Variants in FHOD3 observed in about 807,000 individuals in gnomAD.
FHOD3 encodes formin homology 2 domain containing 3, also known as FH1/FH2 domain-containing protein 3.
In FHOD3, 90 loss-of-function variants were observed where a neutral mutation model predicts 173.0. The observed-to-expected ratio is 0.52, with a 90% CI of 0.44 to 0.62. The LOEUF is 0.62. Among genes scored for constraint, FHOD3 ranks in the 20% least tolerant of loss-of-function variants. FHOD3 has a pLI of 0.00. For synonymous variants in FHOD3, 828 were observed against 823.0 expected (o/e 1.01, Z -0.10); for missense variants, 1,945 against 2,034.7 (o/e 0.96, Z 0.85).
intron 1 of FHOD3, among the ~76,000 whole-genome samples, chr18:36,308,718 T>C (rs2092169982): frequency 6.6e-6 from 1 of 152,202 alleles, no homozygotes; most frequent in East Asian, 1.9e-4. Context: ...TAACTTACCT[T>C]TCATTTCAGA....
chr18:36,458,666 GTT>G (rs35141522), intron 3 of FHOD3, among the ~76,000 whole-genome samples: 7,826 of 104,710 alleles, frequency 0.075, 199 homozygotes, highest in East Asian at 0.24. Flanking sequence ...TTTTTGTTAG[GTT>G]TTTTTTTTTT....
rs151047573 is a variant in FHOD3, at chr18:36,657,797, G to A, written c.1722-278G>A. ...ATTTATGTTAGCAAATAATTTTAAC[G>A]TACATTTTAAAAAACAGGAAATGTT... On this transcript the variant is annotated intron_variant, in intron 13 of 28. Coordinates refer to ENST00000590592, the MANE Select transcript of FHOD3 (RefSeq NM_001281740.3). Among the ~76,000 whole-genome samples, 58 of 152,212 alleles carry A rather than the reference G, an allele frequency of 3.8e-4. No homozygotes were observed. The East Asian group carries it at 4.2e-3, about 11-fold the overall frequency.
intron 2 of FHOD3, 125 bp downstream of exon 2, chr18:36,355,770 A>G: frequency 1.3e-6 from 1 of 749,160 alleles, no homozygotes; most frequent in Non-Finnish European, 2.2e-6. Context: ...TCAATCACAC[A>G]CGAGGGAGAT....
chr18:36,481,018 TG>T (rs1173263321), intron 3 of FHOD3, among the ~76,000 whole-genome samples: 27 of 86,800 alleles, frequency 3.1e-4, no homozygotes, highest in Admixed American at 4.5e-4. Flanking sequence ...TATTGGGAGG[TG>T]GTTTTTTTTT....
chr18:36,723,516 C>T (rs1184501621), intron 19 of FHOD3, among the ~76,000 whole-genome samples: 1 of 152,174 alleles, frequency 6.6e-6, no homozygotes, highest in Non-Finnish European at 1.5e-5. Flanking sequence ...TTGTAACTGT[C>T]ACTTTCTCAA....
intron 5 of FHOD3, among the ~76,000 whole-genome samples, chr18:36,518,349 T>G (rs1015113372): frequency 1.3e-5 from 2 of 152,162 alleles, no homozygotes; most frequent in Non-Finnish European, 2.9e-5. Context: ...CCAGAAGGGT[T>G]TTCTGCTTTG....
intron 3 of FHOD3, among the ~76,000 whole-genome samples, chr18:36,444,494 A>T (rs1434642571): frequency 1.3e-5 from 2 of 152,138 alleles, no homozygotes; most frequent in African/African-American, 4.8e-5. Flanking sequence ...GAGAAGTGTG[A>T]ATTACTCCTC....
chr18:36,515,584 A>G (rs1262374063), intron 5 of FHOD3, among the ~76,000 whole-genome samples: 2 of 152,154 alleles, frequency 1.3e-5, no homozygotes, highest in African/African-American at 4.8e-5. Context: ...CCGAATGTTT[A>G]AGTCTCAGAA....
At chr18:36,302,389 G>A (rs1424536164) in intron 1 of FHOD3, among the ~76,000 whole-genome samples, 1 of 152,056 alleles carries the variant, frequency 6.6e-6, no homozygotes, top group Admixed American at 6.6e-5. Flanking sequence ...TGCTGCCACC[G>A]CCCCTCCCCC....
At chr18:36,755,394 GTGCTTTTTTT>G in intron 25 of FHOD3, 83 bp downstream of exon 25, 4 of 302,006 alleles carry the variant, frequency 1.3e-5, no homozygotes, top group South Asian at 1.4e-4. Context: ...GTTAAAAGCT[GTGCTTTTTTT>G]TTTTTTTTTT....
At chr18:36,765,759 G>C (rs2043112029) in intron 27 of FHOD3, among the ~76,000 whole-genome samples, 2 of 151,958 alleles carry the variant, frequency 1.3e-5, no homozygotes, top group African/African-American at 2.4e-5. Flanking sequence ...TTCAAAGGCA[G>C]GTTAATAGAA....
In FHOD3 at chr18:36,602,788, G is replaced by A. The variant is rs2031564202; in HGVS notation, c.813+20G>A. On this transcript the variant is annotated intron_variant, in intron 8 of 28. Coordinates refer to ENST00000590592, the MANE Select transcript of FHOD3 (RefSeq NM_001281740.3). ...AACAAGGTTGGTTGACTATGTTATG[G>A]GTTGAATTGCGTCACCTAAAAAGAT... The A allele has an allele frequency of 1.9e-6, 3 of 1,575,634 alleles. No homozygotes were observed. The East Asian group carries it at 6.7e-5, about 35-fold the overall frequency.
At chr18:36,383,171 C>G (rs1467569091) in intron 3 of FHOD3, among the ~76,000 whole-genome samples, 3 of 152,126 alleles carry the variant, frequency 2.0e-5, no homozygotes, top group African/African-American at 7.2e-5. Flanking sequence ...CAGGCTTCCT[C>G]CTGGGTAGGT....
chr18:36,747,490 C>T (rs1353471000), intron 24 of FHOD3, among the ~76,000 whole-genome samples: 1 of 152,240 alleles, frequency 6.6e-6, no homozygotes, highest in Non-Finnish European at 1.5e-5. Flanking sequence ...AGGCAGCTCT[C>T]TTTGTTAGAA....
At chr18:36,627,952 C>T (rs945945406) in intron 10 of FHOD3, among the ~76,000 whole-genome samples, 16 of 152,278 alleles carry the variant, frequency 1.1e-4, no homozygotes, top group Admixed American at 5.2e-4. Context: ...TCCCTGCAAA[C>T]GCCCTGGCCG....
At chr18:36,489,715 G>A (rs977570324) in intron 3 of FHOD3, among the ~76,000 whole-genome samples, 5 of 152,088 alleles carry the variant, frequency 3.3e-5, no homozygotes, top group South Asian at 4.1e-4. Flanking sequence ...AAAGGAATAC[G>A]TGAGTCTTGA....
chr18:36,407,385 G>A lies in FHOD3; in HGVS notation c.337+34641G>A, dbSNP rs535955667. Among the ~76,000 whole-genome samples the A allele has an allele frequency of 3.1e-4, 47 of 152,202 alleles. No homozygotes were observed. The Middle Eastern group carries it at 0.01, about 33-fold the overall frequency. On this transcript the variant is annotated intron_variant, in intron 3 of 28. Transcript: ENST00000590592. ...ACCAACATGCTCCCTGCTGTCTGCC[G>A]GTGCTTGTGAGCACTAATGATGGTG... is the stretch of plus-strand genomic sequence containing the variant.
intron 1 of FHOD3, among the ~76,000 whole-genome samples, chr18:36,305,833 TG>T (rs908737201): frequency 2.0e-5 from 3 of 152,210 alleles, no homozygotes; most frequent in Non-Finnish European, 4.4e-5. Flanking sequence ...ACCACAATTT[TG>T]ACTAAAGAAG....
At chr18:36,716,658 G>A (rs917863427) in intron 18 of FHOD3, among the ~76,000 whole-genome samples, 4 of 152,198 alleles carry the variant, frequency 2.6e-5, no homozygotes, top group Non-Finnish European at 5.9e-5. Flanking sequence ...AGCCCTGTGA[G>A]GGAGGAGGGA....
Sources: allele counts gnomAD v4.1 joint callset (sites outside exome capture counted in the v4.1 genomes callset), GRCh38; gene constraint gnomAD v4.1.1; transcripts MANE v1.5; gene names NCBI Gene and HGNC (gene_info 2026-07-23, HGNC 2026-07-21).